B3GAT2: variants seen among roughly 807,000 people sequenced by gnomAD.
The protein encoded by B3GAT2 is galactosylgalactosylxylosylprotein 3-beta-glucuronosyltransferase 2.
B3GAT2 carries 26 observed loss-of-function variants against 27.8 expected under a neutral mutation model. The ratio of observed to expected loss-of-function variants is 0.93; its 90% CI spans 0.68 to 1.30. The LOEUF (loss-of-function observed/expected upper bound fraction) is 1.30, where lower values mean the gene tolerates loss of function less well. Ranked by LOEUF, B3GAT2 falls within the 50% of genes most tolerant of loss-of-function variation. B3GAT2 has a pLI of 0.00. For missense variants in B3GAT2, 458 were observed against 459.0 expected, an observed-to-expected ratio of 1.00 and a Z score of 0.02; for synonymous variants, 218 against 195.1, an observed-to-expected ratio of 1.12 and a Z score of -0.98.
In B3GAT2 at chr6:70,923,582, G is replaced by A. The variant is rs191362618; in HGVS notation, c.592-29310C>T. ...TCCCAGCTGCTTGGGATGCTGAGGT[G>A]GAAGGATTACTTGAGCCAGGAGGTC... On this transcript the variant is annotated intron_variant, in intron 1 of 3. Transcript: ENST00000230053. Among the ~76,000 whole-genome samples, 747 of 152,164 alleles carry A rather than the reference G, an allele frequency of 4.9e-3. 3 individuals carry two copies. The highest frequency in any genetic ancestry group is 8.1e-3 in the Non-Finnish European group (548 of 68,010).
At chr6:70,871,024 T>A (rs1056264842) in intron 2 of B3GAT2, among the ~76,000 whole-genome samples, 2 of 152,106 alleles carry the variant, frequency 1.3e-5, no homozygotes, top group African/African-American at 4.8e-5. Flanking sequence ...CTTTTGTTCT[T>A]TATTGTATTG....
rs143696651 is a variant in B3GAT2 at position 70,882,277 on chromosome 6, A to G, written c.736+11851T>C. 2.1e-3 allele frequency among the ~76,000 whole-genome samples: 316 copies of G among 152,256 alleles called. 1 individual carries two copies. Among genetic ancestry groups the G allele is most frequent in the Middle Eastern group, 0.01 (3 of 294 alleles). On this transcript the variant is annotated intron_variant, in intron 2 of 3. Transcript: ENST00000230053. ...AGCACTTTGGGAGGTTAAGGCGGGCAGATCACGAGGTCAGGAGATCCAGAC... is the reference window on the plus strand; with the variant it reads ...AGCACTTTGGGAGGTTAAGGCGGGCGGATCACGAGGTCAGGAGATCCAGAC...
chr6:70,871,222 G>GTTTTTTTTTTT (rs11367700), intron 2 of B3GAT2, among the ~76,000 whole-genome samples: 1 of 65,632 alleles, frequency 1.5e-5, no homozygotes, highest in Non-Finnish European at 3.7e-5. Flanking sequence ...TTTTTTTTTT[G>GTTTTTTTTTTT]TTTTTTTTTT....
chr6:70,919,815 C>T (rs922253091), intron 1 of B3GAT2, among the ~76,000 whole-genome samples: 5 of 152,290 alleles, frequency 3.3e-5, no homozygotes, highest in African/African-American at 1.2e-4. Flanking sequence ...TCTGTTGGCC[C>T]CTACTGGGAG....
At chr6:70,940,712 G>A (rs1043887018) in intron 1 of B3GAT2, among the ~76,000 whole-genome samples, 1 of 152,082 alleles carries the variant, frequency 6.6e-6, no homozygotes, top group South Asian at 2.1e-4. Context: ...TGCATCACCT[G>A]AGGTCAGGAG....
rs544965406 is a variant in B3GAT2 at position 70,868,828 on chromosome 6, G to C, written c.737-6850C>G. 2.6e-5 allele frequency among the ~76,000 whole-genome samples: 4 copies of C among 152,192 alleles called. No homozygotes were observed. In the East Asian group the frequency reaches 7.7e-4, roughly 29 times the overall value. On this transcript the variant is annotated intron_variant, in intron 2 of 3. Coordinates refer to ENST00000230053, the MANE Select transcript of B3GAT2 (RefSeq NM_080742.3). ...GCTGGAGAAAGAAAGATATGTGTGG[G>C]ACCTCCTCTAATTCTGAGCCGGCCA...
chr6:70,956,701 C>G lies in B3GAT2; in HGVS notation c.-272G>C. 7.4e-7 allele frequency: 1 copy of G among 1,356,522 alleles called. No homozygotes were observed. The highest frequency in any genetic ancestry group is 3.4e-5 in the Admixed American group (1 of 29,416). 84.0% of individuals were successfully genotyped at this position (1,356,522 alleles called of 1,614,324 possible). On this transcript the variant is annotated 5_prime_UTR_variant, in exon 1 of 4. Coordinates refer to ENST00000230053, the MANE Select transcript of B3GAT2 (RefSeq NM_080742.3). Reference sequence around the variant, plus strand: ...AGGTGAGCTGGCGGGAAGCGGGACTCGGTCCAGCCGCGCGCCGCCGGTCCC... The same window carrying G: ...AGGTGAGCTGGCGGGAAGCGGGACTGGGTCCAGCCGCGCGCCGCCGGTCCC...
intron 2 of B3GAT2, among the ~76,000 whole-genome samples, chr6:70,875,741 TAAGTAA>T (rs1772004756): frequency 1.3e-5 from 2 of 152,206 alleles, no homozygotes. Context: ...AGGTGAAACT[TAAGTAA>T]AAGTCTAATT....
chr6:70,886,269 G>A (rs1322686503), intron 2 of B3GAT2, among the ~76,000 whole-genome samples: 4 of 152,120 alleles, frequency 2.6e-5, no homozygotes, highest in Admixed American at 2.0e-4. Context: ...TAGGCCTCGG[G>A]CTCCTTATAT....
chr6:70,879,870 A>T (rs1488906372), intron 2 of B3GAT2, among the ~76,000 whole-genome samples: 1 of 152,190 alleles, frequency 6.6e-6, no homozygotes, highest in East Asian at 1.9e-4. Flanking sequence ...CACAGAGAAC[A>T]CAAGGAAAAT....
chr6:70,860,268 C>T lies in B3GAT2; in HGVS notation c.*1395G>A. 1.2e-6 allele frequency: 2 copies of T among 1,613,776 alleles called. No homozygotes were observed. The highest frequency in any genetic ancestry group is 8.5e-7 in the Non-Finnish European group (1 of 1,179,868). ...CTACTGCAGGTTTTGGCCAGCCCTC[C>T]AGCACAACAGCAGGATGGTCTGGAA... On this transcript the variant is annotated 3_prime_UTR_variant, in exon 4 of 4. Transcript: ENST00000230053.
intron 2 of B3GAT2, among the ~76,000 whole-genome samples, chr6:70,892,068 T>C (rs766546154): frequency 5.3e-5 from 8 of 152,216 alleles, no homozygotes; most frequent in Non-Finnish European, 1.0e-4. Flanking sequence ...GTGACAAAAG[T>C]TGTCTCCTTA....
intron 1 of B3GAT2, among the ~76,000 whole-genome samples, chr6:70,945,838 C>G (rs1183506492): frequency 6.6e-6 from 1 of 151,392 alleles, no homozygotes; most frequent in East Asian, 1.9e-4. Flanking sequence ...TCGGGTTACC[C>G]ACAAAGGGAA....
chr6:70,954,320 A>C (rs1338714176), intron 1 of B3GAT2, among the ~76,000 whole-genome samples: 1 of 152,186 alleles, frequency 6.6e-6, no homozygotes, highest in African/African-American at 2.4e-5. Flanking sequence ...CATACTATAC[A>C]ATGCCAAGCT....
At chr6:70,899,264 A>G (rs1772450803) in intron 1 of B3GAT2, among the ~76,000 whole-genome samples, 3 of 152,226 alleles carry the variant, frequency 2.0e-5, no homozygotes, top group Non-Finnish European at 4.4e-5. Context: ...TAGACTTTTC[A>G]TTTAAGCTGG....
At chr6:70,921,015 CT>C (rs1439052243) in intron 1 of B3GAT2, among the ~76,000 whole-genome samples, 1 of 152,202 alleles carries the variant, frequency 6.6e-6, no homozygotes, top group Non-Finnish European at 1.5e-5. Context: ...ATCGGAATCC[CT>C]TTGTAGGTGA....
At chr6:70,942,014 C>A (rs1025029841) in intron 1 of B3GAT2, among the ~76,000 whole-genome samples, 1 of 152,058 alleles carries the variant, frequency 6.6e-6, no homozygotes, top group Non-Finnish European at 1.5e-5. Context: ...ACTAGATGGA[C>A]AAATACTTAT....
At chr6:70,935,183 C>T (rs1249841618) in intron 1 of B3GAT2, among the ~76,000 whole-genome samples, 1 of 151,858 alleles carries the variant, frequency 6.6e-6, no homozygotes, top group African/African-American at 2.4e-5. Context: ...TGGTGGCTCA[C>T]ACCAGTAATA....
chr6:70,871,234 T>C (rs1405818198), intron 2 of B3GAT2, among the ~76,000 whole-genome samples: 4 of 130,906 alleles, frequency 3.1e-5, no homozygotes, highest in African/African-American at 1.2e-4. Flanking sequence ...TTTTTTTTTT[T>C]CTTCGTGATG....
Sources: allele counts gnomAD v4.1 joint callset (sites outside exome capture counted in the v4.1 genomes callset), GRCh38; gene constraint gnomAD v4.1.1; transcripts MANE v1.5; gene names NCBI Gene and HGNC (gene_info 2026-07-23, HGNC 2026-07-21).